FAM185A: variants seen among roughly 807,000 people sequenced by gnomAD.
FAM185A encodes family with sequence similarity 185 member A.
A neutral mutation model predicts 45.7 loss-of-function variants in FAM185A; 21 were observed. The observed-to-expected ratio is 0.46, with a 90% CI of 0.33 to 0.66. The LOEUF (loss-of-function observed/expected upper bound fraction) is 0.66. Among genes scored for constraint, FAM185A ranks in the 30% least tolerant of loss-of-function variants. FAM185A has a pLI of 0.03. For missense variants in FAM185A, 305 were observed against 485.4 expected, an observed-to-expected ratio of 0.63 and a Z score of 3.49; for synonymous variants, 117 against 194.0, an observed-to-expected ratio of 0.60 and a Z score of 3.30.
rs958157998 is a variant in FAM185A, at chr7:102,761,554, C to A, written c.793+143C>A. The A allele has an allele frequency of 7.1e-4, 478 of 670,196 alleles. 1 individual carries two copies. The highest frequency in any genetic ancestry group is 8.9e-4 in the Non-Finnish European group (406 of 456,046). The allele number at this position is 670,196 out of a possible 1,614,324, so 41.5% of individuals were successfully genotyped here. On this transcript the variant is annotated intron_variant, in intron 4 of 7. Transcript: ENST00000413034. ...CTAACCATCTTTTTAAAAAAAAAAA[C>A]CATAAAAATAAAATGACTCATAAAG...
the FAM185A span, among the ~76,000 whole-genome samples, chr7:102,824,452 A>G: frequency 1.3e-5 from 2 of 152,136 alleles, no homozygotes; most frequent in African/African-American, 4.8e-5. Context: ...CCCCATTAAC[A>G]GATTTGTAAA....
At chr7:102,826,751 A>ATATATATATATG in the FAM185A span, among the ~76,000 whole-genome samples, 2 of 109,844 alleles carry the variant, frequency 1.8e-5, no homozygotes, top group Admixed American at 1.1e-4. Context: ...ATATATATAT[A>ATATATATATATG]TATATATATA....
intron 6 of FAM185A, among the ~76,000 whole-genome samples, chr7:102,783,701 T>G (rs1222011780): frequency 1.3e-5 from 2 of 149,848 alleles, no homozygotes; most frequent in African/African-American, 5.1e-5. Flanking sequence ...GAGGGAAATT[T>G]ATAGCACTAA....
At chr7:102,833,583 C>T in the FAM185A span, among the ~76,000 whole-genome samples, 507 of 151,046 alleles carry the variant, frequency 3.4e-3, 4 homozygotes, top group African/African-American at 0.012. Flanking sequence ...TGCACCACCA[C>T]GCCCGGCTAA....
the FAM185A span, among the ~76,000 whole-genome samples, chr7:102,816,942 T>G: frequency 6.6e-5 from 10 of 152,360 alleles, no homozygotes; most frequent in Admixed American, 1.3e-4. Context: ...ATGATTTCAT[T>G]ATTTTTTATG....
chr7:102,762,851 A>G (rs2539312), intron 4 of FAM185A, among the ~76,000 whole-genome samples: 92,078 of 137,974 alleles, frequency 0.67, 32,178 homozygotes, highest in Middle Eastern at 0.84. Context: ...TCATTTATTT[A>G]TTTTTTATTC....
the FAM185A span, among the ~76,000 whole-genome samples, chr7:102,829,433 G>A: frequency 6.6e-6 from 1 of 152,174 alleles, no homozygotes; most frequent in Non-Finnish European, 1.5e-5. Flanking sequence ...ATCCCTCTCA[G>A]AGGTGCATTG....
At chr7:102,784,947 C>T (rs1795681082) in intron 6 of FAM185A, among the ~76,000 whole-genome samples, 1 of 152,082 alleles carries the variant, frequency 6.6e-6, no homozygotes, top group African/African-American at 2.4e-5. Context: ...TCGTCTCAGC[C>T]CAAAATCTCC....
At chr7:102,790,527 G>C (rs1796082781) in intron 7 of FAM185A, among the ~76,000 whole-genome samples, 1 of 152,192 alleles carries the variant, frequency 6.6e-6, no homozygotes, top group Non-Finnish European at 1.5e-5. Context: ...TTGTTTAACT[G>C]TGCTCTGAAT....
intron 4 of FAM185A, among the ~76,000 whole-genome samples, chr7:102,771,312 T>C (rs1412537348): frequency 2.0e-5 from 3 of 152,094 alleles, no homozygotes; most frequent in Non-Finnish European, 4.4e-5. Context: ...CATCACACAA[T>C]ATACCCAGGT....
chr7:102,833,043 C>T, the FAM185A span: 3 of 1,529,832 alleles, frequency 2.0e-6, no homozygotes, highest in Non-Finnish European at 2.7e-6. Context: ...CTTATAGTAG[C>T]TTATTAAATG....
the FAM185A span, among the ~76,000 whole-genome samples, chr7:102,826,769 A>ATATATATATATATGTATG: frequency 6.0e-5 from 6 of 100,742 alleles, no homozygotes; most frequent in African/African-American, 1.5e-4. Flanking sequence ...ATATATATAT[A>ATATATATATATATGTATG]TATGTATATA....
intron 4 of FAM185A, among the ~76,000 whole-genome samples, chr7:102,765,520 A>G (rs1794336276): frequency 6.6e-6 from 1 of 151,768 alleles, no homozygotes; most frequent in Non-Finnish European, 1.5e-5. Context: ...CATCTAACAT[A>G]CTAGTGCCGA....
intron 6 of FAM185A, among the ~76,000 whole-genome samples, chr7:102,777,946 GTTC>G (rs1404940574): frequency 3.9e-5 from 6 of 152,192 alleles, no homozygotes; most frequent in Non-Finnish European, 7.4e-5. Context: ...GAATTTGTCT[GTTC>G]TTCTGCACAC....
At chr7:102,803,133 AC>A (rs1270271179) in intron 7 of FAM185A, among the ~76,000 whole-genome samples, 1 of 152,176 alleles carries the variant, frequency 6.6e-6, no homozygotes, top group Non-Finnish European at 1.5e-5. Flanking sequence ...TCCTATTGAC[AC>A]TATTCCGCAA....
chr7:102,782,912 C>T (rs4489255), intron 6 of FAM185A, among the ~76,000 whole-genome samples: 25,386 of 145,274 alleles, frequency 0.17, 2,605 homozygotes, highest in East Asian at 0.5. Context: ...ACCCATCTCA[C>T]GTGCAGAGAC....
intron 5 of FAM185A, among the ~76,000 whole-genome samples, chr7:102,776,613 G>A (rs1211521493): frequency 4.0e-5 from 6 of 151,008 alleles, no homozygotes; most frequent in Admixed American, 1.3e-4. Context: ...AGCAAGCCAG[G>A]AACAGTGGTT....
the FAM185A span, chr7:102,833,003 T>C: frequency 6.2e-4 from 1,002 of 1,613,168 alleles, 14 homozygotes; most frequent in African/African-American, 0.012. Context: ...TCAAATTTTT[T>C]CTTTTCTTTA....
intron 3 of FAM185A, among the ~76,000 whole-genome samples, chr7:102,759,483 T>C (rs192989931): frequency 1.3e-5 from 2 of 151,362 alleles, no homozygotes; most frequent in Non-Finnish European, 3.0e-5. Flanking sequence ...TATTTCTAAG[T>C]TTGTAGTTTT....
Sources: gnomAD v4.1 joint callset for allele counts (sites outside exome capture counted in the v4.1 genomes callset) on GRCh38, gnomAD v4.1.1 for gene constraint, MANE v1.5 for transcripts, NCBI Gene and HGNC (gene_info 2026-07-23, HGNC 2026-07-21) for gene names.